Variants in CACNA1D observed in about 807,000 individuals in gnomAD.
CACNA1D encodes calcium voltage-gated channel subunit alpha1 D.
Under a neutral mutation model 257.1 loss-of-function variants are expected in CACNA1D, and 55 were observed. The observed-to-expected ratio is 0.21, with a 90% CI of 0.17 to 0.27. The LOEUF (loss-of-function observed/expected upper bound fraction) is 0.27. CACNA1D is among the 10% of genes least tolerant of loss of function. The pLI is 1.00. For missense variants in CACNA1D, 1,876 were observed against 2,784.0 expected (o/e 0.67, Z 7.34); for synonymous variants, 980 against 1,014.9 (o/e 0.97, Z 0.65).
chr3:53,510,292 TTGAG>T lies in CACNA1D; in HGVS notation c.483+8574_483+8577del, dbSNP rs200664463. The stretch of plus-strand genomic sequence containing the variant: ...GTGCATTTTGAAACATAAATACAGT[TTGAG>T]TATTTTAAATTTCGTGCAAGTGGGA... On this transcript the variant is annotated intron_variant, in intron 3 of 47. Transcript: ENST00000350061. Among the ~76,000 whole-genome samples the T allele has an allele frequency of 3.9e-3, 596 of 152,336 alleles. 2 individuals are homozygous for T. Among genetic ancestry groups the T allele is most frequent in the East Asian group, 0.02 (105 of 5,182 alleles).
intron 3 of CACNA1D, among the ~76,000 whole-genome samples, chr3:53,623,203 A>C (rs2093718241): frequency 1.3e-5 from 2 of 152,258 alleles, no homozygotes; most frequent in Admixed American, 1.3e-4. Flanking sequence ...AAGCCTTAAA[A>C]GAGAAAGCGC....
At chr3:53,694,455 G>A (rs889172657) in intron 8 of CACNA1D, among the ~76,000 whole-genome samples, 3 of 152,174 alleles carry the variant, frequency 2.0e-5, no homozygotes, top group Non-Finnish European at 4.4e-5. Context: ...CCTGATTCAT[G>A]ACCTCCCCGT....
chr3:53,587,020 T>C (rs2093229730), intron 3 of CACNA1D, among the ~76,000 whole-genome samples: 1 of 152,094 alleles, frequency 6.6e-6, no homozygotes, highest in South Asian at 2.1e-4. Flanking sequence ...CAGGGCGTGA[T>C]GTGTTCCTGG....
At position 53,789,498 on chromosome 3, in the gene CACNA1D, A is replaced by G. The variant is rs954763424; in HGVS notation, c.4923+2546A>G. 6.6e-6 allele frequency among the ~76,000 whole-genome samples: 1 copy of G among 152,208 alleles called. No individual in the cohort carries two copies. The highest frequency in any genetic ancestry group is 2.4e-5 in the African/African-American group (1 of 41,448). On this transcript the variant is annotated intron_variant, in intron 40 of 47. Coordinates refer to ENST00000350061, the MANE Select transcript of CACNA1D (RefSeq NM_001128840.3). This position sits in a 1 kb window ranked among gnomAD's most constrained non-coding sequence, Gnocchi z 4.2. ...GTGATGAAATACCGGGTGACGATGT[A>G]GCAGTTAGGAAAATTTGGTGGGACG...
intron 8 of CACNA1D, among the ~76,000 whole-genome samples, chr3:53,685,555 C>T (rs890217678): frequency 2.6e-5 from 4 of 152,060 alleles, no homozygotes; most frequent in African/African-American, 9.7e-5. Context: ...GAACATTCAC[C>T]GACATAGACC....
intron 3 of CACNA1D, among the ~76,000 whole-genome samples, chr3:53,507,917 T>G (rs1406179577): frequency 6.6e-6 from 1 of 152,120 alleles, no homozygotes; most frequent in African/African-American, 2.4e-5. Flanking sequence ...TATGTACAAT[T>G]TATAAACTCA....
chr3:53,538,771 G>T (rs556438042), intron 3 of CACNA1D, among the ~76,000 whole-genome samples: 1 of 152,290 alleles, frequency 6.6e-6, no homozygotes, highest in East Asian at 1.9e-4. Context: ...CAGTCCTGCT[G>T]CTTTTTAGTG....
intron 11 of CACNA1D, among the ~76,000 whole-genome samples, 170 bp downstream of exon 11, chr3:53,719,951 G>A (rs1216830624): frequency 1.3e-5 from 2 of 152,140 alleles, no homozygotes; most frequent in Admixed American, 1.3e-4. Context: ...CTTAGGGGGA[G>A]ATCTTAGGTG....
chr3:53,659,523 T>C (rs2094182502), intron 4 of CACNA1D, among the ~76,000 whole-genome samples: 2 of 152,220 alleles, frequency 1.3e-5, no homozygotes, highest in African/African-American at 4.8e-5. Flanking sequence ...TGTCAGATAC[T>C]GTAATAGGCA....
intron 3 of CACNA1D, among the ~76,000 whole-genome samples, chr3:53,633,818 A>G (rs1024995137): frequency 1.3e-5 from 2 of 152,114 alleles, no homozygotes; most frequent in African/African-American, 4.8e-5. Flanking sequence ...CAGTTAAGCT[A>G]TTTGTTCTGG....
intron 20 of CACNA1D, among the ~76,000 whole-genome samples, chr3:53,736,067 G>A (rs1351975428): frequency 1.3e-5 from 2 of 152,202 alleles, no homozygotes; most frequent in African/African-American, 4.8e-5. Flanking sequence ...TAGGCCAGGT[G>A]CACTGGCTCA....
chr3:53,513,466 T>C (rs2091204788), intron 3 of CACNA1D, among the ~76,000 whole-genome samples: 1 of 152,132 alleles, frequency 6.6e-6, no homozygotes, highest in Non-Finnish European at 1.5e-5. Context: ...ACCTCGTCTC[T>C]ACCAAAAATA....
chr3:53,510,029 A>G (rs1389010296), intron 3 of CACNA1D, among the ~76,000 whole-genome samples: 1 of 152,204 alleles, frequency 6.6e-6, no homozygotes, highest in Non-Finnish European at 1.5e-5. Context: ...AGGAAAACCT[A>G]CAGTGTGGGG....
chr3:53,631,947 G>C (rs2093826225), intron 3 of CACNA1D, among the ~76,000 whole-genome samples: 1 of 152,182 alleles, frequency 6.6e-6, no homozygotes, highest in African/African-American at 2.4e-5. Context: ...TCCATTTATA[G>C]AGCATAGAGT....
chr3:53,555,614 T>C (rs1174179619), intron 3 of CACNA1D, among the ~76,000 whole-genome samples: 3 of 152,028 alleles, frequency 2.0e-5, no homozygotes, highest in Non-Finnish European at 2.9e-5. Context: ...CTTTTTTCTC[T>C]TCAAATCATT....
chr3:53,714,269 G>A (rs906114660), intron 9 of CACNA1D, among the ~76,000 whole-genome samples: 2 of 152,156 alleles, frequency 1.3e-5, no homozygotes, highest in Non-Finnish European at 2.9e-5. Context: ...GAGGTCTGAG[G>A]GGTCTGCCTG....
At chr3:53,693,188 C>A (rs1356656) in intron 8 of CACNA1D, among the ~76,000 whole-genome samples, 1 of 152,178 alleles carries the variant, frequency 6.6e-6, no homozygotes, top group Non-Finnish European at 1.5e-5. Flanking sequence ...TTCATGACTG[C>A]TGCTGGAGAA....
chr3:53,588,603 A>G (rs892960708), intron 3 of CACNA1D, among the ~76,000 whole-genome samples: 2 of 152,202 alleles, frequency 1.3e-5, no homozygotes, highest in Non-Finnish European at 2.9e-5. Flanking sequence ...CGACAGACAC[A>G]TGGGTCAGCA....
At chr3:53,770,729 G>A (rs1311999902) in intron 32 of CACNA1D, among the ~76,000 whole-genome samples, 177 bp downstream of exon 32, 1 of 152,204 alleles carries the variant, frequency 6.6e-6, no homozygotes, top group African/African-American at 2.4e-5. Flanking sequence ...TCAATCACAT[G>A]GGATTACTTG....
Sources: allele counts gnomAD v4.1 joint callset (sites outside exome capture counted in the v4.1 genomes callset), GRCh38; gene constraint gnomAD v4.1.1; non-coding constraint Gnocchi (gnomAD v3.1); transcripts MANE v1.5; gene names NCBI Gene and HGNC (gene_info 2026-07-23, HGNC 2026-07-21).